MCM9: variants seen among roughly 807,000 people sequenced by gnomAD.
MCM9 encodes the protein minichromosome maintenance 9 homologous recombination repair factor.
MCM9 carries 55 observed loss-of-function variants against 72.8 expected under a neutral mutation model. The observed-to-expected ratio is 0.76, with a 90% CI of 0.61 to 0.95. The LOEUF is 0.95. Among genes scored for constraint, MCM9 ranks in the 40% least tolerant of loss-of-function variants. MCM9 has a pLI of 0.00. For missense variants in MCM9, 1,279 were observed against 1,377.0 expected (o/e 0.93, Z 1.13); for synonymous variants, 480 against 503.4 (o/e 0.95, Z 0.62).
chr6:118,908,553 A>G (rs1232562199), intron 8 of MCM9: 1 of 152,118 alleles, frequency 6.6e-6, no homozygotes, highest in African/African-American at 2.4e-5. Context: ...TTTTGGAAAT[A>G]TATATATTTT....
At chr6:118,883,779 T>A (rs1197684632) in intron 8 of MCM9, among the ~76,000 whole-genome samples, 1 of 151,840 alleles carries the variant, frequency 6.6e-6, no homozygotes, top group African/African-American at 2.4e-5. Flanking sequence ...CATTCCCAGA[T>A]AAACAAAAAC....
At chr6:118,901,513 G>C (rs1021463371) in intron 8 of MCM9, among the ~76,000 whole-genome samples, 1 of 152,152 alleles carries the variant, frequency 6.6e-6, no homozygotes, top group Admixed American at 6.5e-5. Flanking sequence ...TTTGTGAAGA[G>C]AATTTCTAGT....
chr6:118,815,572 C>A lies in MCM9; in HGVS notation c.2684G>T (p.Arg895Ile). 6.5e-7 allele frequency: 1 copy of A among 1,550,370 alleles called. No homozygotes were observed. Residue 895 changes from arginine to isoleucine, a missense_variant, in exon 14 of 14, where the codon AGA becomes ATA. Transcript: ENST00000619706. ...DRMLDSPKRKRPKSLAQVEEP... is the reference protein window; with the variant it reads ...DRMLDSPKRKIPKSLAQVEEP... The stretch of plus-strand genomic sequence containing the variant: ...TTCCACTTGCGCAAGGGATTTCGGT[C>A]TCTTTCTTTTGGGTGAGTCCAGCAT...
At chr6:118,910,885 T>C in intron 8 of MCM9, 1 of 985,410 alleles carries the variant, frequency 1.0e-6, no homozygotes, top group Non-Finnish European at 1.2e-6. Context: ...TAGTTTCTCA[T>C]TAGAAATTTG....
chr6:118,829,223 G>T lies in MCM9; in HGVS notation c.1353C>A (p.Thr451=). The change falls in exon 10 of 14, where the codon ACC becomes ACA. Residue 451 remains threonine, a synonymous_variant. Coordinates refer to ENST00000619706, the MANE Select transcript of MCM9 (RefSeq NM_017696.3). ...AGLVCKLNTR[T]TILAATNPKG... is the part of the protein sequence containing the mutation. ...TGGGGTTCGTTGCTGCCAGGATGGT[G>T]GTCCTTGTGTTCAGCTTGCACACGA... is the stretch of plus-strand genomic sequence containing the variant. The T allele has an allele frequency of 1.3e-6, 2 of 1,550,226 alleles. No homozygotes were observed. Among genetic ancestry groups the T allele is most frequent in the Non-Finnish European group, 1.7e-6 (2 of 1,146,550 alleles).
intron 9 of MCM9, among the ~76,000 whole-genome samples, chr6:118,855,219 T>C (rs794866): frequency 0.076 from 11,618 of 152,278 alleles, 685 homozygotes; most frequent in East Asian, 0.19. Context: ...AGACACTTAA[T>C]AAACTATACT....
At chr6:118,826,342 CG>C (rs1562400244) in intron 12 of MCM9, 50 bp from the exon 13 acceptor site, 1 of 1,526,568 alleles carries the variant, frequency 6.6e-7, no homozygotes, top group Non-Finnish European at 8.8e-7. Flanking sequence ...GCCTGCATAG[CG>C]GTAAGTACAC....
intron 11 of MCM9, among the ~76,000 whole-genome samples, chr6:118,827,508 T>C (rs1362105398): frequency 6.6e-6 from 1 of 152,130 alleles, no homozygotes; most frequent in Non-Finnish European, 1.5e-5. Context: ...CATTGTCAAG[T>C]TGGTTGCTAT....
At chr6:118,833,347 G>A (rs1026506620) in intron 9 of MCM9, among the ~76,000 whole-genome samples, 1 of 152,174 alleles carries the variant, frequency 6.6e-6, no homozygotes, top group Non-Finnish European at 1.5e-5. Context: ...CAGACAGTAA[G>A]AAGCAAAATT....
chr6:118,894,354 GC>G, intron 8 of MCM9: 1 of 1,533,484 alleles, frequency 6.5e-7, no homozygotes, highest in East Asian at 2.5e-5. Context: ...GCGGCCGCGC[GC>G]TGGACTTTAT....
rs187361881 is a variant in MCM9 at position 118,828,764 on chromosome 6, A to G, written c.1528+284T>C. On this transcript the variant is annotated intron_variant, in intron 10 of 13. Transcript: ENST00000619706. ...ATTCTGGTTTTATATGCAAGAGGTG[A>G]GCGTTAATTCTGTATCATAAGGTTG... Among the ~76,000 whole-genome samples, 278 of 152,300 alleles carry G rather than the reference A, an allele frequency of 1.8e-3. 1 individual carries two copies. Among genetic ancestry groups the G allele is most frequent in the South Asian group, 0.01 (50 of 4,824 alleles).
At chr6:118,928,281 C>T (rs973864402) in intron 3 of MCM9, among the ~76,000 whole-genome samples, 5 of 151,968 alleles carry the variant, frequency 3.3e-5, no homozygotes, top group African/African-American at 1.2e-4. Flanking sequence ...TGTGGTGGCA[C>T]ACGCCTGTAA....
At position 118,847,787 on chromosome 6, in the gene MCM9, T is replaced by G. The variant is rs565979635; in HGVS notation, c.1325+8584A>C. On this transcript the variant is annotated intron_variant, in intron 9 of 13. Coordinates refer to ENST00000619706, the MANE Select transcript of MCM9 (RefSeq NM_017696.3). ...ACTGAGACATAGTCTAGTAAAAATA[T>G]TATACTTTAAAGATAAAGGAAAAAA... Among the ~76,000 whole-genome samples, 54 of 151,884 alleles carry G rather than the reference T, an allele frequency of 3.6e-4. 3 individuals carry two copies. The highest frequency in any genetic ancestry group is 1.3e-3 in the African/African-American group (54 of 41,224).
At chr6:118,870,703 A>T (rs1354910069) in intron 8 of MCM9, among the ~76,000 whole-genome samples, 1 of 152,150 alleles carries the variant, frequency 6.6e-6, no homozygotes, top group Non-Finnish European at 1.5e-5. Flanking sequence ...ACTTTTAAAA[A>T]ATAAAATTGA....
intron 9 of MCM9, among the ~76,000 whole-genome samples, chr6:118,844,312 C>T (rs550040481): frequency 1.3e-5 from 2 of 151,768 alleles, no homozygotes; most frequent in African/African-American, 4.9e-5. Flanking sequence ...ACTGTGGAGG[C>T]TCATCCAACT....
chr6:118,869,353 T>C (rs1777431805), intron 8 of MCM9, among the ~76,000 whole-genome samples: 1 of 152,144 alleles, frequency 6.6e-6, no homozygotes, highest in African/African-American at 2.4e-5. Flanking sequence ...GGTACATGTA[T>C]ACCTATGAAT....
At chr6:118,896,836 A>AT (rs11304871) in intron 8 of MCM9, among the ~76,000 whole-genome samples, 75 of 149,656 alleles carry the variant, frequency 5.0e-4, no homozygotes, top group East Asian at 1.4e-3. Flanking sequence ...AAACTATAGA[A>AT]TTTTTTTTTT....
At chr6:118,843,333 A>G (rs558860588) in intron 9 of MCM9, among the ~76,000 whole-genome samples, 2 of 152,038 alleles carry the variant, frequency 1.3e-5, no homozygotes, top group East Asian at 3.9e-4. Flanking sequence ...ACACATTAAA[A>G]AAAAAAAATC....
At position 118,909,865 on chromosome 6, in the gene MCM9, C is replaced by G. The variant is rs547001205; in HGVS notation, c.1150+1785G>C. Among the ~76,000 whole-genome samples, 3 of 152,194 alleles carry G rather than the reference C, an allele frequency of 2.0e-5. No homozygotes were observed. In the East Asian group the frequency reaches 5.8e-4, roughly 29 times the overall value. Reference sequence around the variant, plus strand: ...GGCGCAGTGGCTCACGCCTGTAATCCCAGCACTTGGGGAGGCTGAGGCGGG... The same window carrying G: ...GGCGCAGTGGCTCACGCCTGTAATCGCAGCACTTGGGGAGGCTGAGGCGGG... On this transcript the variant is annotated intron_variant, in intron 8 of 13. Coordinates refer to ENST00000619706, the MANE Select transcript of MCM9 (RefSeq NM_017696.3).
Sources: allele counts gnomAD v4.1 joint callset (sites outside exome capture counted in the v4.1 genomes callset), GRCh38; gene constraint gnomAD v4.1.1; transcripts MANE v1.5; gene names NCBI Gene and HGNC (gene_info 2026-07-23, HGNC 2026-07-21).